THSD7A: variants seen among roughly 807,000 people sequenced by gnomAD.
THSD7A encodes thrombospondin type-1 domain-containing protein 7A.
A neutral mutation model predicts 231.3 loss-of-function variants in THSD7A; 96 were observed. The observed-to-expected ratio is 0.41, with a 90% CI of 0.35 to 0.49. The LOEUF is 0.49. THSD7A is among the 20% of genes least tolerant of loss of function. THSD7A has a pLI of 0.05. For synonymous variants in THSD7A, 940 were observed against 743.3 expected, an observed-to-expected ratio of 1.26 and a Z score of -4.30; for missense variants, 2,290 against 2,070.2, an observed-to-expected ratio of 1.11 and a Z score of -2.06.
intron 16 of THSD7A, among the ~76,000 whole-genome samples, chr7:11,420,519 G>A (rs1784108648): frequency 6.6e-6 from 1 of 152,234 alleles, no homozygotes; most frequent in South Asian, 2.1e-4. Flanking sequence ...TTCAGAGGAT[G>A]TATGGAAATG....
At chr7:11,772,129 C>T (rs1207927281) in intron 1 of THSD7A, among the ~76,000 whole-genome samples, 1 of 151,964 alleles carries the variant, frequency 6.6e-6, no homozygotes, top group African/African-American at 2.4e-5. Flanking sequence ...ATACTCTAAT[C>T]GTTAGAGAAA....
chr7:11,711,999 C>T (rs1171391433), intron 1 of THSD7A, among the ~76,000 whole-genome samples: 1 of 151,096 alleles, frequency 6.6e-6, no homozygotes, highest in Admixed American at 6.6e-5. Flanking sequence ...GAAACAAAAA[C>T]ACTCAGCTGA....
chr7:11,631,263 C>T (rs902486358), intron 2 of THSD7A, among the ~76,000 whole-genome samples: 2 of 152,112 alleles, frequency 1.3e-5, no homozygotes, highest in Admixed American at 1.3e-4. Flanking sequence ...ATAGACACTT[C>T]GTTTTTTCAG....
chr7:11,796,685 T>C (rs934725706), intron 1 of THSD7A, among the ~76,000 whole-genome samples: 2 of 152,066 alleles, frequency 1.3e-5, no homozygotes, highest in African/African-American at 4.8e-5. Flanking sequence ...TAATTTTTCT[T>C]TTCTATGTTT....
intron 1 of THSD7A, among the ~76,000 whole-genome samples, chr7:11,766,893 G>A (rs1395793891): frequency 6.6e-6 from 1 of 152,134 alleles, no homozygotes; most frequent in African/African-American, 2.4e-5. Flanking sequence ...TTTGAAAATG[G>A]GGGAAATTTC....
intron 13 of THSD7A, among the ~76,000 whole-genome samples, chr7:11,429,479 C>T (rs1001029153): frequency 6.6e-6 from 1 of 152,176 alleles, no homozygotes; most frequent in East Asian, 1.9e-4. Context: ...TAACAGTTTT[C>T]TATAAAACCC....
At chr7:11,493,410 G>T (rs1786977844) in intron 6 of THSD7A, among the ~76,000 whole-genome samples, 1 of 152,062 alleles carries the variant, frequency 6.6e-6, no homozygotes, top group Admixed American at 6.6e-5. Context: ...AACCTGATGG[G>T]AAGTTTCTAA....
chr7:11,405,638 A>AT (rs1413999400), intron 22 of THSD7A, among the ~76,000 whole-genome samples: 4 of 151,998 alleles, frequency 2.6e-5, no homozygotes, highest in Non-Finnish European at 4.4e-5. Context: ...ACTGTCTGCC[A>AT]TTTTTTCCAT....
chr7:11,679,496 C>T (rs571577948), intron 1 of THSD7A, among the ~76,000 whole-genome samples: 2 of 152,276 alleles, frequency 1.3e-5, no homozygotes, highest in African/African-American at 4.8e-5. Context: ...GCAACTTCAG[C>T]AAAGTCTCAG....
chr7:11,568,486 G>A (rs62434503), intron 4 of THSD7A, among the ~76,000 whole-genome samples: 2,898 of 151,886 alleles, frequency 0.019, 99 homozygotes, highest in East Asian at 0.04. Context: ...TTGGCCAGGT[G>A]TGGTGGCAGG....
intron 1 of THSD7A, among the ~76,000 whole-genome samples, chr7:11,649,930 ACAAT>A: frequency 6.6e-6 from 1 of 152,176 alleles, no homozygotes; most frequent in South Asian, 2.1e-4. Flanking sequence ...GAATGTCAAG[ACAAT>A]CAAGATCTCT....
chr7:11,636,099 C>T lies in THSD7A; in HGVS notation c.1022+31G>A, dbSNP rs1781831922. ...GTACTCATGATTCTTGACAGACAAG[C>T]CTGTGTAGTTAACAGTAATTAAAAT... On this transcript the variant is annotated intron_variant, in intron 2 of 27. Transcript: ENST00000423059. This position sits in a 1 kb window ranked among gnomAD's most constrained non-coding sequence, Gnocchi z 10.0. The T allele has an allele frequency of 1.3e-6, 2 of 1,564,288 alleles. No individual in the cohort carries two copies. The highest frequency in any genetic ancestry group is 1.7e-5 in the Admixed American group (1 of 57,356).
intron 1 of THSD7A, among the ~76,000 whole-genome samples, chr7:11,711,222 A>C (rs1780951794): frequency 6.6e-6 from 1 of 150,926 alleles, no homozygotes; most frequent in South Asian, 2.1e-4. Context: ...TGCCAGAGTC[A>C]TTTCAAGTCA....
At chr7:11,769,153 A>T (rs7785212) in intron 1 of THSD7A, among the ~76,000 whole-genome samples, 4,828 of 27,282 alleles carry the variant, frequency 0.18, 838 homozygotes, top group African/African-American at 0.36. Flanking sequence ...ATATATATAT[A>T]TTTTTTTTTT....
rs1258540627 is a variant in THSD7A at position 11,590,904 on chromosome 7, C to G, written c.1272-263G>C. Among the ~76,000 whole-genome samples, 3 of 152,088 alleles carry G rather than the reference C, an allele frequency of 2.0e-5. No individual in the cohort carries two copies. The highest frequency in any genetic ancestry group is 7.2e-5 in the African/African-American group (3 of 41,408). Reference sequence around the variant, plus strand: ...TTATAAATATTTTATGAAAAGGGAGCACAATGCTGAAAACATGAAATTTTA... The same window carrying G: ...TTATAAATATTTTATGAAAAGGGAGGACAATGCTGAAAACATGAAATTTTA... On this transcript the variant is annotated intron_variant, in intron 3 of 27. Transcript: ENST00000423059. The surrounding 1 kb of genome is among the most constrained non-coding windows in gnomAD (Gnocchi z 4.4).
intron 4 of THSD7A, among the ~76,000 whole-genome samples, chr7:11,574,528 G>A (rs1584006544): frequency 1.3e-5 from 2 of 149,932 alleles, no homozygotes; most frequent in South Asian, 4.2e-4. Context: ...TCCACCTCCC[G>A]GGTTCACGCC....
chr7:11,570,000 C>T (rs1286053778), intron 4 of THSD7A, among the ~76,000 whole-genome samples: 1 of 151,794 alleles, frequency 6.6e-6, no homozygotes, highest in East Asian at 1.9e-4. Context: ...GGCAAAACCC[C>T]CTCTCTACAA....
chr7:11,654,417 T>G (rs1040455820), intron 1 of THSD7A, among the ~76,000 whole-genome samples: 11 of 151,970 alleles, frequency 7.2e-5, no homozygotes, highest in African/African-American at 2.7e-4. Context: ...AAGATGCATA[T>G]AATTGTGTTA....
intron 1 of THSD7A, among the ~76,000 whole-genome samples, chr7:11,691,738 A>G (rs1016451929): frequency 6.6e-6 from 1 of 151,416 alleles, no homozygotes; most frequent in East Asian, 2.0e-4. Flanking sequence ...ATTTAATTAC[A>G]TTGAATTATT....
Sources: gnomAD v4.1 joint callset for allele counts (sites outside exome capture counted in the v4.1 genomes callset) on GRCh38, gnomAD v4.1.1 for gene constraint, Gnocchi (gnomAD v3.1) non-coding constraint, MANE v1.5 for transcripts, NCBI Gene and HGNC (gene_info 2026-07-23, HGNC 2026-07-21) for gene names.